The following POLG variants were observed in gnomAD, a reference collection of about 807,000 sequenced individuals.
POLG encodes DNA polymerase subunit gamma-1.
POLG carries 110 observed loss-of-function variants against 155.4 expected under a neutral mutation model. That is an observed-to-expected ratio of 0.71 (90% confidence interval 0.61 to 0.83). POLG has a LOEUF of 0.83. POLG is among the 40% of genes least tolerant of loss of function. The pLI is 0.00. For missense variants in POLG, 1,685 were observed against 1,627.5 expected (o/e 1.04, Z -0.61); for synonymous variants, 701 against 631.5 (o/e 1.11, Z -1.65).
At position 89,328,739 on chromosome 15, in the gene POLG, C is replaced by G; in HGVS notation, c.1116G>C (p.Glu372Asp). Residue 372 changes from glutamate to aspartate, a missense_variant, in exon 5 of 23, where the codon GAG becomes GAC. This residue lies in a region of POLG where 1,210 missense variants were observed against 1,167.1 expected (regional missense o/e 1.04). Coordinates refer to ENST00000268124, the MANE Select transcript of POLG (RefSeq NM_002693.3). ...TGCCCTTCACAAACAGTTCTCGAGG[C>G]TCCTTCTCTAAGGGAGGCCCCCCTA... The part of the protein sequence containing the change: ...LYVGGPPLEK[E>D]PRELFVKGTM... 1 of 1,614,178 alleles carries G rather than the reference C, an allele frequency of 6.2e-7. No individual in the cohort carries two copies. The highest frequency in any genetic ancestry group is 1.3e-5 in the African/African-American group (1 of 75,066).
chr15:89,317,306 T>A (rs2055303856), intron 22 of POLG, 70 bp downstream of exon 22: 1 of 1,522,934 alleles, frequency 6.6e-7, no homozygotes, highest in South Asian at 1.1e-5. Flanking sequence ...AAGTTTCCTG[T>A]TCTCCAAGAC....
intron 14 of POLG, 124 bp downstream of exon 14, chr15:89,322,618 A>G: frequency 9.4e-7 from 1 of 1,063,388 alleles, no homozygotes; most frequent in South Asian, 1.3e-5. Context: ...CACCAGGACC[A>G]AAAGTAGCCA....
chr15:89,334,546 A>G (rs1272967690), intron 1 of POLG, 127 bp downstream of exon 1: 1 of 151,964 alleles, frequency 6.6e-6, no homozygotes, highest in African/African-American at 2.4e-5. Context: ...TGCGCCCGGC[A>G]GAGGCGCCGC....
At chr15:89,319,141 T>C in intron 19 of POLG, 42 bp from the exon 20 acceptor site, 1 of 1,614,156 alleles carries the variant, frequency 6.2e-7, no homozygotes, top group South Asian at 1.1e-5. Flanking sequence ...TCTTTCAGCA[T>C]CTCAAAGCTA....
rs1286631260 is a variant in POLG, at chr15:89,325,057, A to AGT, written c.1949+392_1949+393insAC. Among the ~76,000 whole-genome samples, 4 of 87,640 alleles carry AGT rather than the reference A, an allele frequency of 4.6e-5. 1 individual carries two copies. The highest frequency in any genetic ancestry group is 2.4e-4 in the African/African-American group (3 of 12,638). 57.5% of individuals were successfully genotyped at this position (87,640 alleles called of 152,430 possible). A position where few individuals can be genotyped will look rare whatever the true frequency, so the allele number is the denominator to read the frequency against. On this transcript the variant is annotated intron_variant, in intron 10 of 22. Transcript: ENST00000268124. ...CCCAGAGAGTGAGTGAGTGAGTGAG[A>AGT]GAGTGAGTGAGTGAGTGAGTGAGTG...
chr15:89,333,399 G>C lies in POLG; in HGVS notation c.356C>G (p.Pro119Arg). 1 of 1,598,978 alleles carries C rather than the reference G, an allele frequency of 6.3e-7. No homozygotes were observed. The highest frequency in any genetic ancestry group is 8.5e-7 in the Non-Finnish European group (1 of 1,175,992). Residue 119 changes from proline (P) to arginine (R), a missense_variant, in exon 2 of 23, where the codon CCC (proline) becomes CGC (arginine). Transcript: ENST00000268124. ...CAGGCGCAGCTCCACGTCGGGCAAG[G>C]GCACGGCTGGCTGCCCCCAGAGCCC... ...KHGLWGQPAV[P>R]LPDVELRLPP...
rs796052900 is a variant in POLG at position 89,333,146 on chromosome 15, C to G, written c.609G>C (p.Leu203Phe). 103 of 1,536,306 alleles carry G rather than the reference C, an allele frequency of 6.7e-5. No individual in the cohort carries two copies. The highest frequency in any genetic ancestry group is 8.9e-5 in the Non-Finnish European group (102 of 1,141,496). The change falls in exon 2 of 23, where the codon TTG becomes TTC. Residue 203 changes from leucine (L) to phenylalanine (F), a missense_variant. Leu to Phe is a conservative substitution (Grantham distance 22). Transcript: ENST00000268124. ...RALVFDVEVC[L>F]AEGTCPTLAV... ...CCAATGTGGGGCAAGTTCCCTCTGCCAAGCAGACCTCCACGTCGAACACCA... is the reference window on the plus strand; with the variant it reads ...CCAATGTGGGGCAAGTTCCCTCTGCGAAGCAGACCTCCACGTCGAACACCA...
At chr15:89,323,046 C>T (rs951770697) in intron 13 of POLG, 144 bp from the exon 14 acceptor site, 76 of 727,084 alleles carry the variant, frequency 1.0e-4, no homozygotes, top group South Asian at 1.9e-4. Context: ...CACGCACGCG[C>T]GCACGCGCGC....
chr15:89,326,887 C>T (rs757408885), intron 8 of POLG, 25 bp downstream of exon 8: 50 of 1,613,612 alleles, frequency 3.1e-5, no homozygotes, highest in Non-Finnish European at 4.1e-5. Context: ...CCTACCCTAC[C>T]CTACCTCCCA....
chr15:89,326,591 C>T, intron 9 of POLG, 21 bp downstream of exon 9: 1 of 1,612,512 alleles, frequency 6.2e-7, no homozygotes, highest in African/African-American at 1.3e-5. Context: ...AGATACACTG[C>T]TGGGGGTGGG....
At chr15:89,322,248 C>T (rs1216731486) in intron 14 of POLG, among the ~76,000 whole-genome samples, 2 of 152,170 alleles carry the variant, frequency 1.3e-5, no homozygotes, top group Non-Finnish European at 2.9e-5. Flanking sequence ...AGCTTCCGCT[C>T]CTCTCCGGGG....
rs1187151579 is a variant in POLG, at chr15:89,320,851, G to A, written c.2896C>T (p.Leu966=). Residue 966 remains leucine, a synonymous_variant, in exon 18 of 23, where the codon CTA becomes TTA. Coordinates refer to ENST00000268124, the MANE Select transcript of POLG (RefSeq NM_002693.3). ...GAGQPFAERL[L]MQFNHRLTQQ... ...GTGAGCCGGTGGTTAAACTGCATTA[G>A]TAAGCGCTCAGCAAAGGGCTGCCCA... 6.2e-7 allele frequency: 1 copy of A among 1,613,860 alleles called. No homozygotes were observed. The highest frequency in any genetic ancestry group is 8.5e-7 in the Non-Finnish European group (1 of 1,180,026).
chr15:89,326,063 T>C (rs956867025), intron 9 of POLG, among the ~76,000 whole-genome samples: 1 of 152,134 alleles, frequency 6.6e-6, no homozygotes, highest in Admixed American at 6.5e-5. Flanking sequence ...GGGTGCTCTC[T>C]TGCAGGCTGT....
rs747828222 is a variant in POLG, at chr15:89,333,408, G to T, written c.347C>A (p.Pro116Gln). The T allele has an allele frequency of 5.0e-6, 8 of 1,604,380 alleles. No homozygotes were observed. Among genetic ancestry groups the T allele is most frequent in the Non-Finnish European group, 8.5e-7 (1 of 1,178,344 alleles). Residue 116 changes from proline (P) to glutamine (Q), a missense_variant, in exon 2 of 23, where the codon CCA becomes CAA. This residue lies in a region of POLG where 1,210 missense variants were observed against 1,167.1 expected (regional missense o/e 1.04). Transcript: ENST00000268124. ...CTCCACGTCGGGCAAGGGCACGGCT[G>T]GCTGCCCCCAGAGCCCGTGCTTCTG... Reference protein sequence around the residue: ...HLQKHGLWGQPAVPLPDVELR... With the variant: ...HLQKHGLWGQQAVPLPDVELR...
rs549167130 is a variant in POLG, at chr15:89,319,821, T to C, written c.2982-471A>G. On this transcript the variant is annotated intron_variant, in intron 18 of 22. Coordinates refer to ENST00000268124, the MANE Select transcript of POLG (RefSeq NM_002693.3). ...ACAACAGCCAGGCCTGGCTTACCCC[T>C]CTCAACTGCCACAACCCTAGACAAC... Among the ~76,000 whole-genome samples the C allele has an allele frequency of 3.9e-5, 6 of 152,192 alleles. No homozygotes were observed. The South Asian group carries it at 8.3e-4, about 21-fold the overall frequency.
Position 89,317,371 on chromosome 15 carries a change from C to G in POLG, c.3643+5G>C, listed in dbSNP as rs752712345. On this transcript the variant is annotated splice_donor_5th_base_variant and intron_variant, in intron 22 of 22. Coordinates refer to ENST00000268124, the MANE Select transcript of POLG (RefSeq NM_002693.3). ...TGTAATGAGGAACAAATGTGTTGTG[C>G]TCACCCTGGGGAATCCCGTATCTCC... 6.2e-7 allele frequency: 1 copy of G among 1,613,594 alleles called. No homozygotes were observed. Among genetic ancestry groups the G allele is most frequent in the Non-Finnish European group, 8.5e-7 (1 of 1,179,638 alleles).
intron 2 of POLG, among the ~76,000 whole-genome samples, chr15:89,330,851 G>C (rs751304031): frequency 3.4e-4 from 52 of 151,026 alleles, no homozygotes; most frequent in South Asian, 8.4e-4. Flanking sequence ...ACCACCCTCA[G>C]TGAGAACCAG....
At position 89,325,229 on chromosome 15, in the gene POLG, AGTGAGAGAGTGAGTGAGTGAGAG is replaced by A. The variant is rs2055489928; in HGVS notation, c.1949+198_1949+220del. 1.2e-4 allele frequency among the ~76,000 whole-genome samples: 13 copies of A among 105,078 alleles called. 3 individuals are homozygous for A. The highest frequency in any genetic ancestry group is 5.9e-4 in the African/African-American group (13 of 22,168). 68.9% of individuals were successfully genotyped at this position (105,078 alleles called of 152,430 possible). ...GAGAGAGTGAGTGAGTGAGAGAGTGAGTGAGAGAGTGAGTGAGTGAGAGAGAGAGTGAGTGAGTGAGTGAGAGA... is the reference window on the plus strand; with the variant it reads ...GAGAGAGTGAGTGAGTGAGAGAGTGAAGAGAGTGAGTGAGTGAGTGAGAGA... On this transcript the variant is annotated intron_variant, in intron 10 of 22. Coordinates refer to ENST00000268124, the MANE Select transcript of POLG (RefSeq NM_002693.3).
At position 89,317,472 on chromosome 15, in the gene POLG, C is replaced by T. The variant is rs1555452261; in HGVS notation, c.3547G>A (p.Val1183Ile). Residue 1183 changes from valine (V) to isoleucine (I), a missense_variant, in exon 22 of 23, where the codon GTC becomes ATC. Around this residue, in one of 3 missense-constraint regions of POLG, gnomAD observed 470 missense variants for 439.9 expected, o/e 1.07. Transcript: ENST00000268124. ...LPQSVAFFSA[V>I]DIDRCLRKEV... is the part of the protein sequence containing the mutation. ...TTCCTGAGGCACCGGTCAATATCGACTGCACTGAAAAAGGCGACTGACTGG... is the reference window on the plus strand; with the variant it reads ...TTCCTGAGGCACCGGTCAATATCGATTGCACTGAAAAAGGCGACTGACTGG... 2 of 1,614,128 alleles carry T rather than the reference C, an allele frequency of 1.2e-6. No homozygotes were observed. Among genetic ancestry groups the T allele is most frequent in the South Asian group, 1.1e-5 (1 of 91,078 alleles).
Sources: gnomAD v4.1 joint callset for allele counts (sites outside exome capture counted in the v4.1 genomes callset) on GRCh38, gnomAD v4.1.1 for gene constraint, gnomAD v4.1.1 regional missense constraint, MANE v1.5 for transcripts, NCBI Gene and HGNC (gene_info 2026-07-23, HGNC 2026-07-21) for gene names.